Variants in ADCY9 observed in about 807,000 individuals in gnomAD.
The protein encoded by ADCY9 is adenylate cyclase type 9.
Under a neutral mutation model 101.5 loss-of-function variants are expected in ADCY9, and 50 were observed. The ratio of observed to expected loss-of-function variants is 0.49; its 90% CI spans 0.39 to 0.62. ADCY9 has a LOEUF of 0.62. Among genes scored for constraint, ADCY9 ranks in the 20% least tolerant of loss-of-function variants. ADCY9 has a pLI of 0.00. For missense variants in ADCY9, 1,662 were observed against 1,800.4 expected (o/e 0.92, Z 1.39); for synonymous variants, 905 against 769.3 (o/e 1.18, Z -2.92).
chr16:3,983,011 A>T lies in ADCY9; in HGVS notation c.2519+221T>A, dbSNP rs2531983. On this transcript the variant is annotated intron_variant, in intron 7 of 10. Coordinates refer to ENST00000294016, the MANE Select transcript of ADCY9 (RefSeq NM_001116.4). ...TGGCAGCGGTTGGGGCTGTGGAGGC[A>T]CCGCCCCCTCCAGCGAGGTGGTCCC... is the stretch of plus-strand genomic sequence containing the variant. The T allele has an allele frequency of 6.3e-5, 37 of 583,538 alleles. No individual in the cohort carries two copies. In the Admixed American group the frequency reaches 1.1e-3, roughly 17 times the overall value. The allele number at this position is 583,538 out of a possible 1,614,324, so 36.1% of individuals were successfully genotyped here.
chr16:4,111,849 C>CA (rs1229934779), intron 2 of ADCY9, among the ~76,000 whole-genome samples: 1 of 122,880 alleles, frequency 8.1e-6, no homozygotes, highest in Non-Finnish European at 1.8e-5. Flanking sequence ...CTCACTCTAG[C>CA]ATTTTTTTTT....
At chr16:3,961,125 A>G (rs1230424728), downstream of ADCY9, among the ~76,000 whole-genome samples, 1 of 152,138 alleles carries the variant, frequency 6.6e-6, no homozygotes. Flanking sequence ...GAAATCCTCT[A>G]AGTCACTGGG....
Position 3,965,765 on chromosome 16 carries a change from G to A in ADCY9, c.*10C>T, listed in dbSNP as rs1217936626. 4.4e-6 allele frequency: 7 copies of A among 1,597,764 alleles called. No individual in the cohort carries two copies. Among genetic ancestry groups the A allele is most frequent in the Non-Finnish European group, 6.0e-6 (7 of 1,170,842 alleles). ...AAACAGAGCACCTCGGGCAGCGGGT[G>A]GGCGCCGCCTCACACACTCTTTGAA... On this transcript the variant is annotated 3_prime_UTR_variant, in exon 11 of 11. Transcript: ENST00000294016.
chr16:4,071,191 A>T (rs1051200877), intron 2 of ADCY9, among the ~76,000 whole-genome samples: 1 of 151,780 alleles, frequency 6.6e-6, no homozygotes, highest in East Asian at 1.9e-4. Flanking sequence ...TCAGCCAGCC[A>T]TGGTGATCCA....
At chr16:3,968,453 C>T (rs894747592) in intron 10 of ADCY9, among the ~76,000 whole-genome samples, 4 of 152,036 alleles carry the variant, frequency 2.6e-5, no homozygotes, top group African/African-American at 9.7e-5. Context: ...ATTTCTAATC[C>T]AATAAACTTA....
At chr16:4,059,401 AAAAG>A (rs1488122297) in intron 2 of ADCY9, among the ~76,000 whole-genome samples, 4 of 151,452 alleles carry the variant, frequency 2.6e-5, no homozygotes, top group East Asian at 1.9e-4. Flanking sequence ...AAAAGAAAAA[AAAAG>A]AAAGAAAGAA....
In ADCY9 at chr16:3,965,690, T is replaced by G; in HGVS notation, c.*85A>C. 7.6e-7 allele frequency: 1 copy of G among 1,317,278 alleles called. No homozygotes were observed. The allele number at this position is 1,317,278 out of a possible 1,614,324, so 81.6% of individuals were successfully genotyped here. The stretch of plus-strand genomic sequence containing the variant: ...ACACCACGTCCGGGGAGGGCAACTG[T>G]GGCGCTTGGAAAGCACAACAGCCAA... On this transcript the variant is annotated 3_prime_UTR_variant, in exon 11 of 11. Coordinates refer to ENST00000294016, the MANE Select transcript of ADCY9 (RefSeq NM_001116.4).
downstream of ADCY9, among the ~76,000 whole-genome samples, chr16:3,961,472 C>T (rs2055938028): frequency 6.6e-6 from 1 of 150,566 alleles, no homozygotes; most frequent in African/African-American, 2.4e-5. Flanking sequence ...CCGAACAAAA[C>T]CTCCATTCTT....
chr16:4,002,046 C>T (rs1488751883), intron 3 of ADCY9, among the ~76,000 whole-genome samples: 4 of 152,088 alleles, frequency 2.6e-5, no homozygotes, highest in East Asian at 1.9e-4. Context: ...CCTCACCTGG[C>T]GGAGACTACC....
chr16:4,047,910 T>TAC (rs1252710054), intron 2 of ADCY9, among the ~76,000 whole-genome samples: 1 of 152,176 alleles, frequency 6.6e-6, no homozygotes, highest in Non-Finnish European at 1.5e-5. Context: ...AACCCTCCCT[T>TAC]ACCCAGGTAG....
chr16:4,050,226 G>C (rs1266337023), intron 2 of ADCY9, among the ~76,000 whole-genome samples: 2 of 152,032 alleles, frequency 1.3e-5, no homozygotes, highest in African/African-American at 4.8e-5. Flanking sequence ...TAGAAAAGAG[G>C]GGCACAGCCA....
At position 4,002,284 on chromosome 16, in the gene ADCY9, C is replaced by T. The variant is rs546303061; in HGVS notation, c.1884+5084G>A. On this transcript the variant is annotated intron_variant, in intron 3 of 10. Coordinates refer to ENST00000294016, the MANE Select transcript of ADCY9 (RefSeq NM_001116.4). The stretch of plus-strand genomic sequence containing the variant: ...GAAATCATTTTTTCAATTTCTATAA[C>T]GAATGAAAAGCCCCTTACTTCCTCA... 8.5e-5 allele frequency among the ~76,000 whole-genome samples: 13 copies of T among 152,184 alleles called. No homozygotes were observed. In the South Asian group the frequency reaches 2.5e-3, roughly 29 times the overall value.
At chr16:3,991,322 C>T (rs1168735194) in intron 5 of ADCY9, among the ~76,000 whole-genome samples, 3 of 152,156 alleles carry the variant, frequency 2.0e-5, no homozygotes, top group East Asian at 1.9e-4. Context: ...GAGGAACAGA[C>T]GGGCACTGCG....
intron 2 of ADCY9, among the ~76,000 whole-genome samples, chr16:4,034,350 T>G (rs1303439101): frequency 6.6e-6 from 1 of 152,186 alleles, no homozygotes; most frequent in Non-Finnish European, 1.5e-5. Context: ...CATATAATGC[T>G]ACTATCCGTC....
chr16:4,043,912 C>T (rs924120598), intron 2 of ADCY9, among the ~76,000 whole-genome samples: 1 of 152,176 alleles, frequency 6.6e-6, no homozygotes. Context: ...GAGTGGGGCA[C>T]TTAAGTGCCA....
intron 6 of ADCY9, 90 bp downstream of exon 6, chr16:3,988,904 C>T: frequency 1.0e-6 from 1 of 1,002,436 alleles, no homozygotes; most frequent in South Asian, 1.3e-5. Flanking sequence ...GTGTTCCCAT[C>T]CCTTGGTAAA....
intron 5 of ADCY9, among the ~76,000 whole-genome samples, chr16:3,954,136 A>G (rs919337274): frequency 6.6e-5 from 10 of 152,138 alleles, no homozygotes; most frequent in Non-Finnish European, 1.2e-4. Context: ...AGGAGGATGT[A>G]CCCAGAGGCC....
Position 3,965,856 on chromosome 16 carries a change from G to A in ADCY9, c.3981C>T (p.Ala1327=). ...TTTCGTCACAGTCGTCTTTCTCTAT[G>A]GCTTTGCCAAATCGACCCCTTTCTT... ...KAEERGRFGK[A]IEKDDCDETG... The change falls in exon 11 of 11, where the codon GCC becomes GCT. Residue 1327 remains alanine, a synonymous_variant. Transcript: ENST00000294016. 1 of 1,614,200 alleles carries A rather than the reference G, an allele frequency of 6.2e-7. No individual in the cohort carries two copies. Among genetic ancestry groups the A allele is most frequent in the African/African-American group, 1.3e-5 (1 of 75,052 alleles).
chr16:4,074,367 A>C (rs2141172370), intron 2 of ADCY9, among the ~76,000 whole-genome samples: 1 of 152,026 alleles, frequency 6.6e-6, no homozygotes, highest in South Asian at 2.1e-4. Flanking sequence ...AATATATAAG[A>C]AATAAATCGA....
Sources: gnomAD v4.1 joint callset for allele counts (sites outside exome capture counted in the v4.1 genomes callset) on GRCh38, gnomAD v4.1.1 for gene constraint, MANE v1.5 for transcripts, NCBI Gene and HGNC (gene_info 2026-07-23, HGNC 2026-07-21) for gene names.